NPW: variants seen among roughly 807,000 people sequenced by gnomAD.
The protein encoded by NPW is prepro-neuropeptide W.
A neutral mutation model predicts 9.9 loss-of-function variants in NPW; 8 were observed. That is an observed-to-expected ratio of 0.81 (90% CI 0.47 to 1.46). The LOEUF is 1.46. Ranked by LOEUF, NPW falls within the 40% of genes most tolerant of loss-of-function variation. NPW has a pLI of 0.00. For missense variants in NPW, 287 were observed against 240.3 expected (o/e 1.19, Z -1.28); for synonymous variants, 134 against 119.9 (o/e 1.12, Z -0.77).
chr16:2,020,652 G>T lies in NPW; in HGVS notation c.*33G>T, dbSNP rs1304455281. On this transcript the variant is annotated 3_prime_UTR_variant, in exon 2 of 2. Coordinates refer to ENST00000566435, the MANE Select transcript of NPW (RefSeq NM_001099456.3). The stretch of plus-strand genomic sequence containing the variant: ...CCCCGCCCGCCCGTGGCGCCTCCGC[G>T]CCTGACCCAGGAGGAGTGGCCGCGC... The T allele has an allele frequency of 4.2e-6, 6 of 1,434,376 alleles. No individual in the cohort carries two copies. The highest frequency in any genetic ancestry group is 5.8e-6 in the Non-Finnish European group (6 of 1,032,048). The allele number at this position is 1,434,376 out of a possible 1,614,324, so 88.9% of individuals were successfully genotyped here. A position where few individuals can be genotyped will look rare whatever the true frequency, so the allele number is the denominator to read the frequency against.
At chr16:2,020,496 C>G in intron 1 of NPW, 37 bp from the exon 2 acceptor site, 1 of 1,476,520 alleles carries the variant, frequency 6.8e-7, no homozygotes, top group South Asian at 1.1e-5. Flanking sequence ...TGGAGGGCCA[C>G]AGCCTCCTCC....
chr16:2,019,970 GCTC>G lies in NPW; in HGVS notation c.72_74del (p.Leu26del), dbSNP rs2083826911. The G allele has an allele frequency of 1.4e-6, 2 of 1,430,354 alleles. No individual in the cohort carries two copies. The highest frequency in any genetic ancestry group is 1.5e-5 in the African/African-American group (1 of 67,428). The allele number at this position is 1,430,354 out of a possible 1,614,324, so 88.6% of individuals were successfully genotyped here. Reference sequence around the variant, plus strand: ...CGCGGCTGGCACTGCTGCTGCTTCTGCTCCTGCTGCCGCTGCCCTCCGGCGCGT... The same window carrying G: ...CGCGGCTGGCACTGCTGCTGCTTCTGCTGCTGCCGCTGCCCTCCGGCGCGT... On this transcript the variant is annotated inframe_deletion, in exon 1 of 2. Transcript: ENST00000566435.
rs1177209959 is a variant in NPW at position 2,020,690 on chromosome 16, C to G, written c.*71C>G. On this transcript the variant is annotated 3_prime_UTR_variant, in exon 2 of 2. Transcript: ENST00000566435. Reference sequence around the variant, plus strand: ...GGAGTGGCCGCGCGCTTCCAGGAGCCGCTCATAGACCCCGCCTGCCGTCCG... The same window carrying G: ...GGAGTGGCCGCGCGCTTCCAGGAGCGGCTCATAGACCCCGCCTGCCGTCCG... 3.3e-6 allele frequency: 3 copies of G among 910,880 alleles called. No homozygotes were observed. The highest frequency in any genetic ancestry group is 2.4e-5 in the Admixed American group (1 of 41,346). 56.4% of individuals were successfully genotyped at this position (910,880 alleles called of 1,614,324 possible). A position where few individuals can be genotyped will look rare whatever the true frequency, so the allele number is the denominator to read the frequency against.
At position 2,019,987 on chromosome 16, in the gene NPW, C is replaced by T; in HGVS notation, c.86C>T (p.Pro29Leu). The change falls in exon 1 of 2, where the codon CCC becomes CTC. Residue 29 changes from proline to leucine, a missense_variant. Coordinates refer to ENST00000566435, the MANE Select transcript of NPW (RefSeq NM_001099456.3). ...CTGCTTCTGCTCCTGCTGCCGCTGC[C>T]CTCCGGCGCGTGGTACAAGCACGTG... is the stretch of plus-strand genomic sequence containing the variant. 2.1e-6 allele frequency: 3 copies of T among 1,446,432 alleles called. No homozygotes were observed. The highest frequency in any genetic ancestry group is 2.7e-6 in the Non-Finnish European group (3 of 1,100,550). 89.6% of individuals were successfully genotyped at this position (1,446,432 alleles called of 1,614,324 possible).
Position 2,020,021 on chromosome 16 carries a change from C to T in NPW, c.120C>T (p.Pro40=). ...CGTGGTACAAGCACGTGGCGAGTCC[C>T]CGCTACCACACGGTGGGCCGCGCCG... Residue 40 remains proline (P), a synonymous_variant, in exon 1 of 2, where the codon CCC becomes CCT. Transcript: ENST00000566435. The T allele has an allele frequency of 6.7e-7, 1 of 1,500,342 alleles. No individual in the cohort carries two copies. Among genetic ancestry groups the T allele is most frequent in the South Asian group, 1.2e-5 (1 of 80,320 alleles). The allele number at this position is 1,500,342 out of a possible 1,614,324, so 92.9% of individuals were successfully genotyped here. A position where few individuals can be genotyped will look rare whatever the true frequency, so the allele number is the denominator to read the frequency against.
In NPW at chr16:2,019,835, T is replaced by G. The variant is rs541600028; in HGVS notation, c.-67T>G. ...CGGTACCTGGGCGTCCCAACTCCAC[T>G]GCGCGCCCAAACCCAGCCGAGCCGG... On this transcript the variant is annotated 5_prime_UTR_variant, in exon 1 of 2. Coordinates refer to ENST00000566435, the MANE Select transcript of NPW (RefSeq NM_001099456.3). 1 of 1,201,694 alleles carries G rather than the reference T, an allele frequency of 8.3e-7. No homozygotes were observed. The highest frequency in any genetic ancestry group is 1.0e-6 in the Non-Finnish European group (1 of 969,710). 74.4% of individuals were successfully genotyped at this position (1,201,694 alleles called of 1,614,324 possible).
chr16:2,020,137 C>A lies in NPW; in HGVS notation c.236C>A (p.Ser79Tyr), dbSNP rs562326343. ...GGGCCCCTGGCCAGGGACACCCTCTCCCCCGAACCCGCAGCCCGCGAGGCT... is the reference window on the plus strand; with the variant it reads ...GGGCCCCTGGCCAGGGACACCCTCTACCCCGAACCCGCAGCCCGCGAGGCT... Residue 79 changes from serine to tyrosine, a missense_variant, in exon 1 of 2, where the codon TCC becomes TAC. Transcript: ENST00000566435. The A allele has an allele frequency of 6.4e-7, 1 of 1,573,166 alleles. No individual in the cohort carries two copies. The highest frequency in any genetic ancestry group is 1.4e-5 in the African/African-American group (1 of 72,816).
rs1360936883 is a variant in NPW at position 2,020,332 on chromosome 16, C to T, written c.411+20C>T. On this transcript the variant is annotated intron_variant, in intron 1 of 1. Transcript: ENST00000566435. ...GGCCAGGTACGTGAGAGGGGAGAGG[C>T]CTGGACCGCCGCGGGCAAGGGGGTC... 1 of 1,461,542 alleles carries T rather than the reference C, an allele frequency of 6.8e-7. No individual in the cohort carries two copies. Among genetic ancestry groups the T allele is most frequent in the South Asian group, 1.3e-5 (1 of 75,114 alleles). 90.5% of individuals were successfully genotyped at this position (1,461,542 alleles called of 1,614,324 possible). A position where few individuals can be genotyped will look rare whatever the true frequency, so the allele number is the denominator to read the frequency against.
At position 2,020,215 on chromosome 16, in the gene NPW, G is replaced by T; in HGVS notation, c.314G>T (p.Ser105Ile). The T allele has an allele frequency of 6.3e-7, 1 of 1,593,510 alleles. No homozygotes were observed. The change falls in exon 1 of 2, where the codon AGC (serine) becomes ATC (isoleucine). Residue 105 changes from serine (S) to isoleucine (I), a missense_variant. Ser to Ile is a moderately radical substitution (Grantham distance 142). Transcript: ENST00000566435. ...GAGCTGTGGGAGACGCGACGCAGGA[G>T]CTCCCAGGCAGGGATCCCCGTCCGT... is the stretch of plus-strand genomic sequence containing the variant.
chr16:2,020,241 G>T lies in NPW; in HGVS notation c.340G>T (p.Ala114Ser). ...CTCCCAGGCAGGGATCCCCGTCCGT[G>T]CGCCCCGGAGCCCGCGCGCCCCAGA... Residue 114 changes from alanine (A) to serine (S), a missense_variant, in exon 1 of 2, where the codon GCG becomes TCG. Ala to Ser is a moderately conservative substitution (Grantham distance 99, BLOSUM62 1). Coordinates refer to ENST00000566435, the MANE Select transcript of NPW (RefSeq NM_001099456.3). The T allele has an allele frequency of 1.3e-6, 2 of 1,565,928 alleles. No homozygotes were observed. The highest frequency in any genetic ancestry group is 2.3e-5 in the East Asian group (1 of 42,914).
rs758499920 is a variant in NPW, at chr16:2,020,607, C to T, written c.486C>T (p.Pro162=). The T allele has an allele frequency of 2.5e-6, 4 of 1,596,632 alleles. No individual in the cohort carries two copies. The highest frequency in any genetic ancestry group is 1.1e-5 in the South Asian group (1 of 90,306). Residue 162 remains proline, a synonymous_variant, in exon 2 of 2, where the codon CCC becomes CCT. Coordinates refer to ENST00000566435, the MANE Select transcript of NPW (RefSeq NM_001099456.3). ...GCCTTGGCCTGCCCTGCCTGGCCCCCGGACCGTTCTGACAGCGTCCCCCGC... is the reference window on the plus strand; with the variant it reads ...GCCTTGGCCTGCCCTGCCTGGCCCCTGGACCGTTCTGACAGCGTCCCCCGC...
Position 2,019,961 on chromosome 16 carries a change from G to A in NPW, c.60G>A (p.Leu20=). 7.1e-7 allele frequency: 1 copy of A among 1,412,616 alleles called. No homozygotes were observed. Among genetic ancestry groups the A allele is most frequent in the Non-Finnish European group, 9.2e-7 (1 of 1,081,376 alleles). 87.5% of individuals were successfully genotyped at this position (1,412,616 alleles called of 1,614,324 possible). ...CGAGCCGGCCGCGGCTGGCACTGCT[G>A]CTGCTTCTGCTCCTGCTGCCGCTGC... is the stretch of plus-strand genomic sequence containing the variant. Residue 20 remains leucine, a synonymous_variant, in exon 1 of 2, where the codon CTG becomes CTA. Coordinates refer to ENST00000566435, the MANE Select transcript of NPW (RefSeq NM_001099456.3).
chr16:2,020,122 C>A lies in NPW; in HGVS notation c.221C>A (p.Ala74Asp), dbSNP rs778284484. The A allele has an allele frequency of 6.5e-7, 1 of 1,549,314 alleles. No homozygotes were observed. The highest frequency in any genetic ancestry group is 1.2e-5 in the South Asian group (1 of 86,452). ...CTGCGCGCGGCCGCCGGGCCCCTGG[C>A]CAGGGACACCCTCTCCCCCGAACCC... The change falls in exon 1 of 2, where the codon GCC (alanine) becomes GAC (aspartate). Residue 74 changes from alanine to aspartate, a missense_variant. Coordinates refer to ENST00000566435, the MANE Select transcript of NPW (RefSeq NM_001099456.3).
Position 2,020,235 on chromosome 16 carries a change from G to A in NPW, c.334G>A (p.Val112Ile), listed in dbSNP as rs753537430. 2 of 1,576,402 alleles carry A rather than the reference G, an allele frequency of 1.3e-6. No individual in the cohort carries two copies. The highest frequency in any genetic ancestry group is 1.7e-6 in the Non-Finnish European group (2 of 1,164,534). ...CAGGAGCTCCCAGGCAGGGATCCCC[G>A]TCCGTGCGCCCCGGAGCCCGCGCGC... Residue 112 changes from valine (V) to isoleucine (I), a missense_variant, in exon 1 of 2, where the codon GTC (valine) becomes ATC (isoleucine). Val to Ile is a conservative substitution (Grantham distance 29). Transcript: ENST00000566435.
rs1344178881 is a variant in NPW at position 2,020,748 on chromosome 16, G to T, written c.*129G>T. ...AAATCCGCCTGACTCCTGCGCCCCC[G>T]CATGCGACCCCTTCGTCTGCTTGTG... On this transcript the variant is annotated 3_prime_UTR_variant, in exon 2 of 2. Transcript: ENST00000566435. The T allele has an allele frequency of 1.7e-5, 10 of 588,456 alleles. No individual in the cohort carries two copies. Among genetic ancestry groups the T allele is most frequent in the Non-Finnish European group, 3.0e-5 (10 of 334,968 alleles). 36.5% of individuals were successfully genotyped at this position (588,456 alleles called of 1,614,324 possible). A position where few individuals can be genotyped will look rare whatever the true frequency, so the allele number is the denominator to read the frequency against.
rs755429370 is a variant in NPW, at chr16:2,020,602, G to A, written c.481G>A (p.Ala161Thr). Residue 161 changes from alanine (A) to threonine (T), a missense_variant, in exon 2 of 2, where the codon GCC (alanine) becomes ACC (threonine). Ala to Thr is a moderately conservative substitution (Grantham distance 58). Transcript: ENST00000566435. ...AAACCGCCTTGGCCTGCCCTGCCTG[G>A]CCCCCGGACCGTTCTGACAGCGTCC... The A allele has an allele frequency of 1.2e-6, 2 of 1,600,868 alleles. No individual in the cohort carries two copies. The highest frequency in any genetic ancestry group is 1.4e-5 in the African/African-American group (1 of 73,598).
Position 2,020,531 on chromosome 16 carries a change from A to G in NPW, c.412-2A>G, listed in dbSNP as rs1200183586. On this transcript the variant is annotated splice_acceptor_variant, in intron 1 of 1. Coordinates refer to ENST00000566435, the MANE Select transcript of NPW (RefSeq NM_001099456.3). LOFTEE classifies it high-confidence loss of function. ...CCCACGGCCTTGCTGTGTTCTCGTTAGAGACTTCGGAGAGACGTCTCCCGC... is the reference window on the plus strand; with the variant it reads ...CCCACGGCCTTGCTGTGTTCTCGTTGGAGACTTCGGAGAGACGTCTCCCGC... 2 of 1,602,474 alleles carry G rather than the reference A, an allele frequency of 1.2e-6. No homozygotes were observed. Among genetic ancestry groups the G allele is most frequent in the Non-Finnish European group, 8.5e-7 (1 of 1,171,438 alleles).
At position 2,020,019 on chromosome 16, in the gene NPW, C is replaced by T; in HGVS notation, c.118C>T (p.Pro40Ser). ...CGCGTGGTACAAGCACGTGGCGAGT[C>T]CCCGCTACCACACGGTGGGCCGCGC... The change falls in exon 1 of 2, where the codon CCC (proline) becomes TCC (serine). Residue 40 changes from proline to serine, a missense_variant. Transcript: ENST00000566435. 1.3e-6 allele frequency: 2 copies of T among 1,499,692 alleles called. No individual in the cohort carries two copies. Among genetic ancestry groups the T allele is most frequent in the Non-Finnish European group, 1.8e-6 (2 of 1,130,492 alleles). The allele number at this position is 1,499,692 out of a possible 1,614,324, so 92.9% of individuals were successfully genotyped here. A position where few individuals can be genotyped will look rare whatever the true frequency, so the allele number is the denominator to read the frequency against.
rs2083831987 is a variant in NPW, at chr16:2,020,452, G to A, written c.412-81G>A. On this transcript the variant is annotated intron_variant, in intron 1 of 1. Coordinates refer to ENST00000566435, the MANE Select transcript of NPW (RefSeq NM_001099456.3). ...TCCGCGCCCAGAAGAGCTTTCCCTG[G>A]GCAGGCTCGACCCTGGCACCCGGGG... 3 of 1,329,404 alleles carry A rather than the reference G, an allele frequency of 2.3e-6. No homozygotes were observed. In the South Asian group the frequency reaches 3.8e-5, roughly 17 times the overall value. The allele number at this position is 1,329,404 out of a possible 1,614,324, so 82.4% of individuals were successfully genotyped here. A position where few individuals can be genotyped will look rare whatever the true frequency, so the allele number is the denominator to read the frequency against.
Sources: gnomAD v4.1 joint callset for allele counts on GRCh38, gnomAD v4.1.1 for gene constraint, MANE v1.5 for transcripts, NCBI Gene and HGNC (gene_info 2026-07-23, HGNC 2026-07-21) for gene names.